KCNB2: variants seen among roughly 807,000 people sequenced by gnomAD.
The protein encoded by KCNB2 is potassium voltage-gated channel subfamily B member 2.
In KCNB2, 15 loss-of-function variants were observed where a neutral mutation model predicts 61.5. The observed-to-expected ratio is 0.24, with a 90% CI of 0.16 to 0.38. KCNB2 has a LOEUF of 0.38. Ranked by LOEUF, KCNB2 falls within the 10% of genes least tolerant of loss-of-function variation. KCNB2 has a pLI of 1.00. For synonymous variants in KCNB2, 457 were observed against 446.0 expected (o/e 1.02, Z -0.31); for missense variants, 828 against 1,125.2 (o/e 0.74, Z 3.78).
chr8:72,765,954 G>C (rs1808455265), intron 2 of KCNB2, among the ~76,000 whole-genome samples: 1 of 152,160 alleles, frequency 6.6e-6, no homozygotes, highest in Admixed American at 6.5e-5. Context: ...TGTAGTTTTT[G>C]GTGATAAATT....
intron 2 of KCNB2, among the ~76,000 whole-genome samples, chr8:72,810,998 G>A (rs1809298155): frequency 6.6e-6 from 1 of 152,084 alleles, no homozygotes; most frequent in Non-Finnish European, 1.5e-5. Flanking sequence ...AGAGAAACAA[G>A]CATCACTTCA....
chr8:72,636,682 T>A (rs992122717), intron 2 of KCNB2, among the ~76,000 whole-genome samples: 8 of 152,308 alleles, frequency 5.3e-5, no homozygotes, highest in Admixed American at 3.3e-4. Flanking sequence ...CTAGTTTTCT[T>A]TGACTCCTGA....
intron 2 of KCNB2, among the ~76,000 whole-genome samples, chr8:72,720,617 A>C (rs1426361511): frequency 6.6e-6 from 1 of 150,860 alleles, no homozygotes; most frequent in Non-Finnish European, 1.5e-5. Flanking sequence ...AGTTGTCTGC[A>C]CTCTCTCCCC....
At chr8:72,916,956 G>A (rs1444475395) in intron 2 of KCNB2, among the ~76,000 whole-genome samples, 2 of 152,266 alleles carry the variant, frequency 1.3e-5, no homozygotes, top group East Asian at 3.9e-4. Context: ...GGGAGATGGG[G>A]CAGACCATGG....
intron 2 of KCNB2, among the ~76,000 whole-genome samples, chr8:72,580,111 T>C (rs1806868058): frequency 6.6e-6 from 1 of 152,186 alleles, no homozygotes; most frequent in Admixed American, 6.5e-5. Context: ...CCATGGGCCA[T>C]AAGGTTTCTG....
intron 2 of KCNB2, among the ~76,000 whole-genome samples, chr8:72,771,605 G>A (rs55767556): frequency 0.14 from 21,402 of 151,906 alleles, 1,824 homozygotes; most frequent in South Asian, 0.3. Flanking sequence ...GGGAATTTTA[G>A]GTTCTGTGAT....
chr8:72,824,275 C>T (rs1809560768), intron 2 of KCNB2, among the ~76,000 whole-genome samples: 1 of 152,090 alleles, frequency 6.6e-6, no homozygotes, highest in Non-Finnish European at 1.5e-5. Flanking sequence ...AGTAAGACTG[C>T]TCTTATGTGA....
intron 2 of KCNB2, among the ~76,000 whole-genome samples, chr8:72,640,054 T>C (rs1401834312): frequency 6.6e-6 from 1 of 151,928 alleles, no homozygotes; most frequent in Non-Finnish European, 1.5e-5. Context: ...TGCATGAGTC[T>C]AGCATTATAG....
At chr8:72,884,360 G>T (rs1805768631) in intron 2 of KCNB2, among the ~76,000 whole-genome samples, 1 of 151,996 alleles carries the variant, frequency 6.6e-6, no homozygotes, top group African/African-American at 2.4e-5. Context: ...CTCCCAGTGT[G>T]TGTGTGTTAG....
At chr8:72,601,172 A>G (rs1805345689) in intron 2 of KCNB2, among the ~76,000 whole-genome samples, 3 of 152,172 alleles carry the variant, frequency 2.0e-5, no homozygotes, top group Non-Finnish European at 4.4e-5. Context: ...CTCTTAATTA[A>G]CCCCAGTTTT....
intron 2 of KCNB2, among the ~76,000 whole-genome samples, chr8:72,840,276 T>C (rs1262791848): frequency 2.0e-5 from 3 of 152,244 alleles, no homozygotes; most frequent in Non-Finnish European, 4.4e-5. Flanking sequence ...TTCCATGGTG[T>C]ATATGTGCCA....
chr8:72,705,413 G>A (rs960842628), intron 2 of KCNB2, among the ~76,000 whole-genome samples: 14 of 152,180 alleles, frequency 9.2e-5, no homozygotes, highest in African/African-American at 3.4e-4. Flanking sequence ...GTCCAATCCA[G>A]TTTATCTGAT....
intron 2 of KCNB2, among the ~76,000 whole-genome samples, chr8:72,593,148 T>A (rs1336220244): frequency 6.6e-6 from 1 of 152,226 alleles, no homozygotes; most frequent in Non-Finnish European, 1.5e-5. Context: ...TAGAAGATAA[T>A]GAGTACTATA....
chr8:72,588,748 A>T (rs1259415546), intron 2 of KCNB2, among the ~76,000 whole-genome samples: 2 of 151,260 alleles, frequency 1.3e-5, no homozygotes, highest in Non-Finnish European at 3.0e-5. Flanking sequence ...AATAAATAAA[A>T]AAAAAATTAA....
chr8:72,800,137 T>A (rs11783516), intron 2 of KCNB2, among the ~76,000 whole-genome samples: 21,454 of 152,140 alleles, frequency 0.14, 1,841 homozygotes, highest in South Asian at 0.3. Flanking sequence ...GAAGCAGGCA[T>A]TTATCTAGGG....
At chr8:72,841,286 T>C (rs554240118) in intron 2 of KCNB2, among the ~76,000 whole-genome samples, 2 of 152,000 alleles carry the variant, frequency 1.3e-5, no homozygotes, top group South Asian at 2.1e-4. Context: ...ACCAGTACCA[T>C]GCTCTTTTGG....
At chr8:72,681,178 T>C (rs1335963349) in intron 2 of KCNB2, among the ~76,000 whole-genome samples, 1 of 152,086 alleles carries the variant, frequency 6.6e-6, no homozygotes, top group African/African-American at 2.4e-5. Flanking sequence ...GGGACAAGGC[T>C]GTACAATGTG....
At chr8:72,678,530 A>G (rs1806700732) in intron 2 of KCNB2, among the ~76,000 whole-genome samples, 1 of 152,110 alleles carries the variant, frequency 6.6e-6, no homozygotes, top group Non-Finnish European at 1.5e-5. Flanking sequence ...TCTGCCTCTG[A>G]TGCATTTCTG....
chr8:72,862,110 G>A (rs999542937), intron 2 of KCNB2, among the ~76,000 whole-genome samples: 2 of 152,120 alleles, frequency 1.3e-5, no homozygotes, highest in Non-Finnish European at 2.9e-5. Context: ...CCAGGCTGAT[G>A]GACAGAGCAA....
Sources: gnomAD v4.1 joint callset for allele counts (sites outside exome capture counted in the v4.1 genomes callset) on GRCh38, gnomAD v4.1.1 for gene constraint, MANE v1.5 for transcripts, NCBI Gene and HGNC (gene_info 2026-07-23, HGNC 2026-07-21) for gene names.